Variants in PFKL observed in about 807,000 individuals in gnomAD.
PFKL encodes ATP-dependent 6-phosphofructokinase, liver type.
Under a neutral mutation model 92.1 loss-of-function variants are expected in PFKL, and 74 were observed. The observed-to-expected ratio is 0.80, with a 90% CI of 0.67 to 0.97. The LOEUF is 0.97. PFKL is among the 50% of genes least tolerant of loss of function. The probability of loss-of-function intolerance (pLI) is 0.00; values close to 1 mark genes in which losing one functional copy is unlikely to be tolerated. For missense variants in PFKL, 1,028 were observed against 1,116.6 expected, an observed-to-expected ratio of 0.92 and a Z score of 1.13; for synonymous variants, 494 against 456.4, an observed-to-expected ratio of 1.08 and a Z score of -1.05.
At chr21:44,301,798 C>G (rs2040781136) in intron 1 of PFKL, among the ~76,000 whole-genome samples, 2 of 152,228 alleles carry the variant, frequency 1.3e-5, no homozygotes, top group South Asian at 4.1e-4. Flanking sequence ...CAACCAGCTT[C>G]CTTGTTTGCA....
At position 44,300,078 on chromosome 21, in the gene PFKL, G is replaced by T. The variant is rs1345630728; in HGVS notation, c.-28G>T. 2.8e-6 allele frequency: 3 copies of T among 1,058,478 alleles called. No individual in the cohort carries two copies. The highest frequency in any genetic ancestry group is 2.9e-5 in the South Asian group (1 of 35,022). The allele number at this position is 1,058,478 out of a possible 1,614,324, so 65.6% of individuals were successfully genotyped here. ...GACGCGGCGCAGGCGGCGGGAGTGCGAGCTGGGCCCGTGTTTCGGCCGCCG... is the reference window on the plus strand; with the variant it reads ...GACGCGGCGCAGGCGGCGGGAGTGCTAGCTGGGCCCGTGTTTCGGCCGCCG... On this transcript the variant is annotated 5_prime_UTR_variant, in exon 1 of 22. Coordinates refer to ENST00000349048, the MANE Select transcript of PFKL (RefSeq NM_002626.6).
chr21:44,304,855 G>A (rs899849859), intron 1 of PFKL, among the ~76,000 whole-genome samples: 1 of 152,100 alleles, frequency 6.6e-6, no homozygotes, highest in Non-Finnish European at 1.5e-5. Flanking sequence ...AGTTTCAGCT[G>A]TAGCAGCCGT....
Position 44,316,265 on chromosome 21 carries a change from C to G in PFKL, c.769C>G (p.Leu257Val). The change falls in exon 8 of 22, where the codon CTG (leucine) becomes GTG (valine). Residue 257 changes from leucine (L) to valine (V), a missense_variant. Physicochemically the swap from Leu to Val is conservative, Grantham distance 32. Transcript: ENST00000349048. ...LGETRSRGSR[L>V]NIIIIAEGAI... ...CCAGACTCGGAGCCGTGGGTCCCGA[C>G]TGAACATCATCATCATCGCTGAGGG... 1.2e-6 allele frequency: 2 copies of G among 1,613,176 alleles called. No individual in the cohort carries two copies. Among genetic ancestry groups the G allele is most frequent in the Non-Finnish European group, 1.7e-6 (2 of 1,179,962 alleles).
intron 1 of PFKL, among the ~76,000 whole-genome samples, chr21:44,305,600 C>T (rs974172212): frequency 1.7e-4 from 26 of 152,156 alleles, no homozygotes; most frequent in East Asian, 1.9e-4. Context: ...GCCTGTTACA[C>T]GGCCCCAGAC....
intron 16 of PFKL, among the ~76,000 whole-genome samples, 184 bp downstream of exon 16, chr21:44,324,102 AG>A (rs986708767): frequency 3.9e-5 from 6 of 152,190 alleles, no homozygotes; most frequent in African/African-American, 1.4e-4. Context: ...TTCCAGGTCC[AG>A]GGGGGCCCTG....
intron 1 of PFKL, 55 bp from the exon 2 acceptor site, chr21:44,306,626 G>T: frequency 1.3e-6 from 2 of 1,487,620 alleles, no homozygotes; most frequent in Non-Finnish European, 9.3e-7. Flanking sequence ...TGGGGAGGGT[G>T]TCCAGGGCCT....
Position 44,322,124 on chromosome 21 carries a change from T to C in PFKL, c.1339-9T>C, listed in dbSNP as rs1368546372. The C allele has an allele frequency of 6.2e-7, 1 of 1,603,790 alleles. No homozygotes were observed. Among genetic ancestry groups the C allele is most frequent in the African/African-American group, 1.3e-5 (1 of 74,962 alleles). On this transcript the variant is annotated splice_polypyrimidine_tract_variant and intron_variant, in intron 13 of 21. Transcript: ENST00000349048. ...GGCTGGCCCCTGAAGCTGCATCTCC[T>C]CCTGGCAGGTGCAAGAAGTAGGCTG...
At chr21:44,319,210 C>G (rs1331934226) in intron 10 of PFKL, 141 bp from the exon 11 acceptor site, 1 of 701,566 alleles carries the variant, frequency 1.4e-6, no homozygotes, top group Non-Finnish European at 2.5e-6. Context: ...ACCGCTGTTC[C>G]TAGGGAGAGG....
Position 44,326,964 on chromosome 21 carries a change from TG to T in PFKL, c.*107del. 1 of 1,121,526 alleles carries T rather than the reference TG, an allele frequency of 8.9e-7. No individual in the cohort carries two copies. Among genetic ancestry groups the T allele is most frequent in the Non-Finnish European group, 1.3e-6 (1 of 773,368 alleles). 69.5% of individuals were successfully genotyped at this position (1,121,526 alleles called of 1,614,324 possible). A position where few individuals can be genotyped will look rare whatever the true frequency, so the allele number is the denominator to read the frequency against. ...GTTGTGTCTGGAGCCTGCAGGCAGGTGGGGGCTGCGTCCCTGCTCAGCCCAT... is the reference window on the plus strand; with the variant it reads ...GTTGTGTCTGGAGCCTGCAGGCAGGTGGGGCTGCGTCCCTGCTCAGCCCAT... On this transcript the variant is annotated 3_prime_UTR_variant, in exon 22 of 22. Coordinates refer to ENST00000349048, the MANE Select transcript of PFKL (RefSeq NM_002626.6).
At chr21:44,310,464 T>C (rs1297218719) in intron 2 of PFKL, among the ~76,000 whole-genome samples, 1 of 152,138 alleles carries the variant, frequency 6.6e-6, no homozygotes, top group Non-Finnish European at 1.5e-5. Context: ...GGGAGGTGTG[T>C]GTGTTCTCAG....
rs2047421047 is a variant in PFKL at position 44,323,771 on chromosome 21, T to A, written c.1503T>A (p.Tyr501Ter). 1 of 1,611,922 alleles carries A rather than the reference T, an allele frequency of 6.2e-7. No individual in the cohort carries two copies. Among genetic ancestry groups the A allele is most frequent in the Non-Finnish European group, 8.5e-7 (1 of 1,179,504 alleles). ...ALLVVGGFEA[Y>*]EGVLQLVEAR... is the part of the protein sequence containing the mutation. ...CCCCGTCCCTACTGCTGCAGGCCTA[T>A]GAAGGGGTGCTGCAGCTGGTGGAGG... The change falls in exon 16 of 22, where the codon TAT becomes TAA. Residue 501 changes from tyrosine (Y) to a stop codon, truncating the protein, a stop_gained. Coordinates refer to ENST00000349048, the MANE Select transcript of PFKL (RefSeq NM_002626.6). LOFTEE classifies it high-confidence loss of function.
rs780965286 is a variant in PFKL, at chr21:44,316,339, C to T, written c.843C>T (p.Asp281=). The T allele has an allele frequency of 3.7e-6, 6 of 1,613,176 alleles. No homozygotes were observed. The African/African-American group carries it at 4.0e-5, about 11-fold the overall frequency. The part of the protein sequence containing the change: ...GKPISSSYVK[D]LVVQRLGFDT... ...CCATCTCGTCCAGCTACGTGAAGGA[C>T]GTGCGTGTGGGCCTGGGGGTGGCCA... is the stretch of plus-strand genomic sequence containing the variant. The change falls in exon 8 of 22, where the codon GAC becomes GAT. Residue 281 remains aspartate, a splice_region_variant and synonymous_variant. Coordinates refer to ENST00000349048, the MANE Select transcript of PFKL (RefSeq NM_002626.6).
chr21:44,309,244 G>A (rs2041045945), intron 2 of PFKL, among the ~76,000 whole-genome samples: 1 of 152,264 alleles, frequency 6.6e-6, no homozygotes, highest in Non-Finnish European at 1.5e-5. Context: ...CAGAAAGGGA[G>A]GGTGGCCTTG....
intron 2 of PFKL, among the ~76,000 whole-genome samples, chr21:44,310,445 C>CCGG (rs1486204734): frequency 6.6e-6 from 1 of 152,204 alleles, no homozygotes; most frequent in Admixed American, 6.5e-5. Context: ...GGGTGGGGGC[C>CCGG]CGCCTGTAGG....
rs1273451334 is a variant in PFKL, at chr21:44,324,168, C to T, written c.1650+250C>T. Among the ~76,000 whole-genome samples, 4 of 152,156 alleles carry T rather than the reference C, an allele frequency of 2.6e-5. No homozygotes were observed. The South Asian group carries it at 6.2e-4, about 24-fold the overall frequency. ...GATGGGGAGACTGAGGCGGGAATGT[C>T]CCTGCGCCCCAGTGCTGGGTAGTCT... On this transcript the variant is annotated intron_variant, in intron 16 of 21. Coordinates refer to ENST00000349048, the MANE Select transcript of PFKL (RefSeq NM_002626.6).
chr21:44,310,866 C>T (rs947219039), intron 2 of PFKL, 140 bp from the exon 3 acceptor site: 3 of 638,184 alleles, frequency 4.7e-6, no homozygotes, highest in Non-Finnish European at 8.4e-6. Context: ...GTTACCCAGG[C>T]CCTGGGATGA....
intron 7 of PFKL, 64 bp from the exon 8 acceptor site, chr21:44,316,179 CG>C: frequency 2.7e-6 from 4 of 1,498,752 alleles, no homozygotes; most frequent in Non-Finnish European, 3.7e-6. Context: ...TCCTGGCACC[CG>C]GGGGCTGTGT....
chr21:44,300,070 G>A lies in PFKL; in HGVS notation c.-36G>A. On this transcript the variant is annotated 5_prime_UTR_variant, in exon 1 of 22. Coordinates refer to ENST00000349048, the MANE Select transcript of PFKL (RefSeq NM_002626.6). ...GGGACGGCGACGCGGCGCAGGCGGC[G>A]GGAGTGCGAGCTGGGCCCGTGTTTC... 1 of 1,007,326 alleles carries A rather than the reference G, an allele frequency of 9.9e-7. No individual in the cohort carries two copies. The highest frequency in any genetic ancestry group is 3.4e-5 in the South Asian group (1 of 29,348). 62.4% of individuals were successfully genotyped at this position (1,007,326 alleles called of 1,614,324 possible).
intron 15 of PFKL, among the ~76,000 whole-genome samples, chr21:44,323,426 C>G (rs764600883): frequency 3.3e-5 from 5 of 152,188 alleles, no homozygotes; most frequent in Non-Finnish European, 7.3e-5. Flanking sequence ...GACGGCATCG[C>G]TGAACGTGGT....
Sources: allele counts gnomAD v4.1 joint callset (sites outside exome capture counted in the v4.1 genomes callset), GRCh38; gene constraint gnomAD v4.1.1; transcripts MANE v1.5; gene names NCBI Gene and HGNC (gene_info 2026-07-23, HGNC 2026-07-21).